Variants in NEO1 observed in about 807,000 individuals in gnomAD.
NEO1 encodes neogenin 1.
NEO1 carries 63 observed loss-of-function variants against 159.7 expected under a neutral mutation model. The ratio of observed to expected loss-of-function variants is 0.39; its 90% CI spans 0.32 to 0.49. The LOEUF (loss-of-function observed/expected upper bound fraction) is 0.49. Among genes scored for constraint, NEO1 ranks in the 20% least tolerant of loss-of-function variants. The pLI is 0.85. For missense variants in NEO1, 1,615 were observed against 1,831.0 expected (o/e 0.88, Z 2.15); for synonymous variants, 633 against 662.0 (o/e 0.96, Z 0.67).
intron 1 of NEO1, among the ~76,000 whole-genome samples, chr15:73,069,364 C>T (rs898729260): frequency 6.6e-6 from 1 of 151,584 alleles, no homozygotes; most frequent in Non-Finnish European, 1.5e-5. Context: ...GTTCTTTGAT[C>T]TTATATACCT....
chr15:73,277,013 C>T (rs930777162), intron 21 of NEO1, among the ~76,000 whole-genome samples: 1 of 152,124 alleles, frequency 6.6e-6, no homozygotes, highest in Non-Finnish European at 1.5e-5. Flanking sequence ...TATTAAATTT[C>T]CATTTAATCC....
At chr15:73,253,341 T>A in intron 11 of NEO1, 59 bp from the exon 12 acceptor site, 1 of 990,620 alleles carries the variant, frequency 1.0e-6, no homozygotes, top group Non-Finnish European at 1.5e-6. Context: ...GATGATCACA[T>A]GATGGGTGAT....
intron 7 of NEO1, among the ~76,000 whole-genome samples, chr15:73,220,307 T>G (rs56348595): frequency 0.32 from 48,842 of 152,024 alleles, 9,001 homozygotes; most frequent in Admixed American, 0.45. Flanking sequence ...ACTGTTAGTC[T>G]GATGGGCTTC....
intron 16 of NEO1, among the ~76,000 whole-genome samples, chr15:73,267,910 A>C (rs1230856194): frequency 1.3e-5 from 2 of 152,208 alleles, no homozygotes; most frequent in Middle Eastern, 6.8e-3. Context: ...AAAAATTTTG[A>C]TTCTTTATTG....
At chr15:73,084,628 T>C (rs1234197691) in intron 1 of NEO1, among the ~76,000 whole-genome samples, 7 of 152,210 alleles carry the variant, frequency 4.6e-5, no homozygotes, top group African/African-American at 1.7e-4. Flanking sequence ...GATATCTCTT[T>C]GATATACTTA....
chr15:73,255,488 G>A (rs3784794), intron 13 of NEO1: 2 of 152,154 alleles, frequency 1.3e-5, no homozygotes, highest in Admixed American at 6.5e-5. Context: ...GCAAGGGGAA[G>A]GTTCTTTTGC....
At chr15:73,130,440 G>T (rs1420588128) in intron 4 of NEO1, among the ~76,000 whole-genome samples, 2 of 152,120 alleles carry the variant, frequency 1.3e-5, no homozygotes, top group African/African-American at 4.8e-5. Flanking sequence ...TCAACAGAAG[G>T]TGCTCTCTAG....
intron 7 of NEO1, among the ~76,000 whole-genome samples, chr15:73,197,470 A>G (rs1426177423): frequency 6.6e-6 from 1 of 152,188 alleles, no homozygotes; most frequent in Non-Finnish European, 1.5e-5. Context: ...ATTAGGAATT[A>G]TGACTTACCT....
intron 7 of NEO1, among the ~76,000 whole-genome samples, chr15:73,228,303 G>A (rs758350086): frequency 6.6e-5 from 10 of 151,888 alleles, no homozygotes; most frequent in Admixed American, 6.6e-5. Flanking sequence ...ATCTCATTGC[G>A]CTCTTAATTT....
chr15:73,185,805 A>G (rs2151989372), intron 7 of NEO1, among the ~76,000 whole-genome samples: 1 of 152,316 alleles, frequency 6.6e-6, no homozygotes, highest in Admixed American at 6.5e-5. Flanking sequence ...TGAACAGAGC[A>G]TCTAAGATGG....
chr15:73,260,910 T>C (rs61686754), intron 15 of NEO1, among the ~76,000 whole-genome samples: 1,954 of 152,332 alleles, frequency 0.013, 31 homozygotes, highest in African/African-American at 0.044. Context: ...ATAAACATCT[T>C]GTTTCCCATT....
intron 25 of NEO1, among the ~76,000 whole-genome samples, chr15:73,291,635 G>C (rs2042168735): frequency 1.3e-5 from 2 of 152,168 alleles, no homozygotes; most frequent in South Asian, 4.1e-4. Context: ...TGACTGAGCA[G>C]TGCCAGGAAG....
rs199794527 is a variant in NEO1, at chr15:73,266,449, C to T, written c.2494+38C>T. 119 of 1,509,464 alleles carry T rather than the reference C, an allele frequency of 7.9e-5. 1 individual carries two copies. The highest frequency in any genetic ancestry group is 2.0e-5 in the Non-Finnish European group (22 of 1,097,922). 93.5% of individuals were successfully genotyped at this position (1,509,464 alleles called of 1,614,324 possible). ...ATCTTTCCTAGTCTCCAGCACTTTT[C>T]CTAGCAGCTTAGGCAGAATATTGGC... is the stretch of plus-strand genomic sequence containing the variant. On this transcript the variant is annotated intron_variant, in intron 16 of 28. Coordinates refer to ENST00000261908, the MANE Select transcript of NEO1 (RefSeq NM_002499.4).
chr15:73,183,778 C>G (rs529898050), intron 7 of NEO1, among the ~76,000 whole-genome samples: 3 of 152,234 alleles, frequency 2.0e-5, no homozygotes, highest in African/African-American at 7.2e-5. Flanking sequence ...GAGAGAAACT[C>G]TCTGGCTCCT....
chr15:73,222,091 ATTTTTTTTTTTTTTTTTT>A (rs71137336), intron 7 of NEO1: 1 of 53,046 alleles, frequency 1.9e-5, no homozygotes, highest in Non-Finnish European at 3.3e-5. Flanking sequence ...CCTGTTGGTA[ATTTTTTTTTTTTTTTTTT>A]TTTTTTTTTT....
chr15:73,293,546 C>G lies in NEO1; in HGVS notation c.3899C>G (p.Thr1300Arg). ...SMSLSDRANS[T>R]ESVRNTPSTD... is the part of the protein sequence containing the mutation. ...TCCCTTTCAGACAGGGCCAATTCCA[C>G]AGGTGAGAGATGAGGATCAAGCCCA... is the stretch of plus-strand genomic sequence containing the variant. The change falls in exon 26 of 29, where the codon ACA becomes AGA. Residue 1300 changes from threonine to arginine, a missense_variant and splice_region_variant. By Grantham distance (71) the Thr-to-Arg change is moderately conservative. Around this residue, in one of 3 missense-constraint regions of NEO1, gnomAD observed 471 missense variants for 498.9 expected, o/e 0.94. Transcript: ENST00000261908. 1 of 1,613,952 alleles carries G rather than the reference C, an allele frequency of 6.2e-7. No individual in the cohort carries two copies. Among genetic ancestry groups the G allele is most frequent in the Non-Finnish European group, 8.5e-7 (1 of 1,179,922 alleles).
intron 7 of NEO1, among the ~76,000 whole-genome samples, chr15:73,198,403 A>G (rs1295448886): frequency 6.6e-6 from 1 of 152,184 alleles, no homozygotes; most frequent in Non-Finnish European, 1.5e-5. Flanking sequence ...AAAACTTTGT[A>G]TGTCTGAAAA....
intron 1 of NEO1, among the ~76,000 whole-genome samples, chr15:73,098,760 G>A (rs2070232965): frequency 6.6e-6 from 1 of 152,142 alleles, no homozygotes; most frequent in African/African-American, 2.4e-5. Context: ...GTATCTTAGG[G>A]AGAGATTCAT....
chr15:73,174,482 C>T (rs922623141), intron 5 of NEO1, among the ~76,000 whole-genome samples: 79 of 152,270 alleles, frequency 5.2e-4, no homozygotes, highest in African/African-American at 1.7e-3. Context: ...AGAGCTGGTG[C>T]ACAGAAAGCC....
Sources: gnomAD v4.1 joint callset for allele counts (sites outside exome capture counted in the v4.1 genomes callset) on GRCh38, gnomAD v4.1.1 for gene constraint, gnomAD v4.1.1 regional missense constraint, MANE v1.5 for transcripts, NCBI Gene and HGNC (gene_info 2026-07-23, HGNC 2026-07-21) for gene names.